The following DLG2 variants were observed in gnomAD, a reference collection of about 807,000 sequenced individuals.
DLG2 encodes the protein disks large homolog 2.
Under a neutral mutation model 132.5 loss-of-function variants are expected in DLG2, and 45 were observed. That is an observed-to-expected ratio of 0.34 (90% CI 0.27 to 0.44). DLG2 has a LOEUF of 0.44. Among genes scored for constraint, DLG2 ranks in the 20% least tolerant of loss-of-function variants. The pLI, the probability that DLG2 is intolerant of heterozygous loss-of-function variation, is 1.00. For synonymous variants in DLG2, 424 were observed against 419.6 expected, an observed-to-expected ratio of 1.01 and a Z score of -0.13; for missense variants, 1,045 against 1,196.9, an observed-to-expected ratio of 0.87 and a Z score of 1.87.
At chr11:83,886,716 A>G (rs1277130695) in intron 15 of DLG2, among the ~76,000 whole-genome samples, 1 of 152,092 alleles carries the variant, frequency 6.6e-6, no homozygotes, top group Non-Finnish European at 1.5e-5. Context: ...CTCCTCAGCA[A>G]ATGTAAAAGA....
chr11:84,369,306 C>T (rs1308980796), intron 7 of DLG2, among the ~76,000 whole-genome samples: 4 of 152,110 alleles, frequency 2.6e-5, no homozygotes, highest in Admixed American at 2.6e-4. Context: ...TTTTAAACCA[C>T]TGTGCTACTC....
At chr11:85,585,098 T>C (rs1265237531) in intron 3 of DLG2, among the ~76,000 whole-genome samples, 1 of 152,220 alleles carries the variant, frequency 6.6e-6, no homozygotes, top group East Asian at 1.9e-4. Flanking sequence ...TAGAAGTGTT[T>C]TTCCAATGTT....
At chr11:84,494,685 T>C (rs550989050) in intron 7 of DLG2, among the ~76,000 whole-genome samples, 11 of 152,238 alleles carry the variant, frequency 7.2e-5, no homozygotes, top group South Asian at 4.1e-4. Flanking sequence ...AGGGGTGAGC[T>C]TCAGCTGTAC....
At chr11:83,491,375 A>T (rs867873906) in intron 21 of DLG2, among the ~76,000 whole-genome samples, 4 of 152,184 alleles carry the variant, frequency 2.6e-5, no homozygotes, top group Admixed American at 2.6e-4. Flanking sequence ...ATCTCAAAAA[A>T]TGAAATTCAA....
intron 2 of DLG2, among the ~76,000 whole-genome samples, chr11:85,605,860 T>A (rs1246870863): frequency 1.3e-5 from 2 of 152,064 alleles, no homozygotes; most frequent in South Asian, 2.1e-4. Context: ...GTGCCTGTAA[T>A]CCCAGCTACT....
intron 18 of DLG2, among the ~76,000 whole-genome samples, chr11:83,711,987 A>C (rs2085537716): frequency 1.3e-5 from 2 of 152,306 alleles, no homozygotes; most frequent in African/African-American, 2.4e-5. Flanking sequence ...CAAAAAGCAA[A>C]AAACAAACAA....
chr11:84,545,704 C>G (rs887148570), intron 6 of DLG2: 2 of 277,958 alleles, frequency 7.2e-6, no homozygotes, highest in African/African-American at 2.3e-5. Context: ...TGATTTCAGT[C>G]ACTTCAATTT....
intron 3 of DLG2, among the ~76,000 whole-genome samples, chr11:85,330,646 A>C (rs1335497023): frequency 3.2e-5 from 3 of 92,516 alleles, no homozygotes; most frequent in Non-Finnish European, 6.4e-5. Flanking sequence ...GGGAGGGGGG[A>C]GGGATAGCAT....
At chr11:84,549,994 G>T (rs144154678) in intron 6 of DLG2, among the ~76,000 whole-genome samples, 5 of 152,000 alleles carry the variant, frequency 3.3e-5, no homozygotes, top group African/African-American at 1.2e-4. Flanking sequence ...GGCCTCAAGT[G>T]ATCTGTCTGC....
intron 15 of DLG2, among the ~76,000 whole-genome samples, chr11:83,899,254 T>C (rs1369038951): frequency 2.0e-5 from 3 of 152,182 alleles, no homozygotes; most frequent in Non-Finnish European, 4.4e-5. Context: ...CAGTCTCACT[T>C]CTTGAAAAGA....
chr11:83,724,276 ACAC>A (rs1472181164), intron 18 of DLG2, among the ~76,000 whole-genome samples: 2 of 152,158 alleles, frequency 1.3e-5, no homozygotes, highest in African/African-American at 4.8e-5. Context: ...GTTCTTTCAC[ACAC>A]ATAAGCCTGG....
intron 6 of DLG2, among the ~76,000 whole-genome samples, chr11:84,570,018 C>A (rs1310733371): frequency 6.6e-6 from 1 of 152,070 alleles, no homozygotes; most frequent in Non-Finnish European, 1.5e-5. Flanking sequence ...TGGTGAATAG[C>A]TGGGTGCAAT....
intron 16 of DLG2, among the ~76,000 whole-genome samples, chr11:83,839,300 T>C (rs113737247): frequency 6.6e-6 from 1 of 152,180 alleles, no homozygotes; most frequent in Non-Finnish European, 1.5e-5. Context: ...CTTACTTTAA[T>C]AGTGAAGATA....
chr11:84,577,138 C>A (rs2154528567), intron 6 of DLG2, among the ~76,000 whole-genome samples: 1 of 152,294 alleles, frequency 6.6e-6, no homozygotes, highest in East Asian at 1.9e-4. Flanking sequence ...TGCCTCCCGC[C>A]ATGATTCTGA....
chr11:84,394,884 T>C lies in DLG2; in HGVS notation c.519+139686A>G, dbSNP rs2098806010. 2.0e-5 allele frequency among the ~76,000 whole-genome samples: 3 copies of C among 152,206 alleles called. No individual in the cohort carries two copies. In the South Asian group the frequency reaches 6.2e-4, roughly 31 times the overall value. On this transcript the variant is annotated intron_variant, in intron 7 of 27. Transcript: ENST00000376104. ...ATCCATCCACTTTGGCCTCCCAAAG[T>C]GCTGAGATTACAGGCGTGAGTCACA... is the stretch of plus-strand genomic sequence containing the variant.
intron 19 of DLG2, among the ~76,000 whole-genome samples, chr11:83,621,622 G>A (rs2061651220): frequency 6.6e-6 from 1 of 151,868 alleles, no homozygotes; most frequent in Admixed American, 6.6e-5. Flanking sequence ...GAAGATGGCT[G>A]GAAGAAAATG....
At chr11:83,791,075 C>T (rs1168801874) in intron 17 of DLG2, 11 of 697,722 alleles carry the variant, frequency 1.6e-5, no homozygotes, top group Non-Finnish European at 2.5e-5. Context: ...GGACGCCATT[C>T]AGGGGTGGAC....
At chr11:84,860,880 G>A (rs549662353) in intron 6 of DLG2, among the ~76,000 whole-genome samples, 15 of 151,294 alleles carry the variant, frequency 9.9e-5, no homozygotes, top group African/African-American at 3.6e-4. Context: ...AGGGGGGAGG[G>A]GTGATAAATA....
intron 4 of DLG2, among the ~76,000 whole-genome samples, chr11:85,211,049 T>C (rs2082221889): frequency 6.6e-6 from 1 of 152,140 alleles, no homozygotes; most frequent in African/African-American, 2.4e-5. Flanking sequence ...ATATTCAATA[T>C]TAATTTGTTT....
Sources: gnomAD v4.1 joint callset for allele counts (sites outside exome capture counted in the v4.1 genomes callset) on GRCh38, gnomAD v4.1.1 for gene constraint, MANE v1.5 for transcripts, NCBI Gene and HGNC (gene_info 2026-07-23, HGNC 2026-07-21) for gene names.